The following MAP2K6 variants were observed in gnomAD, a reference collection of about 807,000 sequenced individuals.
MAP2K6 encodes mitogen-activated protein kinase kinase 6.
Under a neutral mutation model 53.7 loss-of-function variants are expected in MAP2K6, and 16 were observed. The observed-to-expected ratio is 0.30, with a 90% CI of 0.20 to 0.45. The LOEUF (loss-of-function observed/expected upper bound fraction) is 0.45. Among genes scored for constraint, MAP2K6 ranks in the 20% least tolerant of loss-of-function variants. The pLI is 1.00. For missense variants in MAP2K6, 204 were observed against 411.9 expected (o/e 0.50, Z 4.37); for synonymous variants, 132 against 143.1 (o/e 0.92, Z 0.55).
Position 69,516,885 on chromosome 17 carries a change from C to T in MAP2K6, c.114C>T (p.Cys38=). 1 of 1,596,674 alleles carries T rather than the reference C, an allele frequency of 6.3e-7. No homozygotes were observed. The stretch of plus-strand genomic sequence containing the variant: ...CTCGAGATTTAGACTCCAAGGCTTG[C>T]ATTTCTATTGGAAATCAGGTAAGAA... ...TPPRDLDSKA[C]ISIGNQNFEV... is the part of the protein sequence containing the mutation. Residue 38 remains cysteine, a synonymous_variant, in exon 3 of 12, where the codon TGC becomes TGT. Transcript: ENST00000590474.
intron 1 of MAP2K6, among the ~76,000 whole-genome samples, chr17:69,481,336 A>G (rs1011679500): frequency 1.3e-5 from 2 of 152,160 alleles, no homozygotes; most frequent in African/African-American, 2.4e-5. Flanking sequence ...CTTTCTTCTT[A>G]AGGCTGAATA....
At chr17:69,521,806 C>CAAAAAAAAAAAAAA (rs71293537) in intron 7 of MAP2K6, 1 of 79,340 alleles carries the variant, frequency 1.3e-5, no homozygotes, top group Non-Finnish European at 2.6e-5. Context: ...GATAAATGTA[C>CAAAAAAAAAAAAAA]AAAAAAAAAA....
At chr17:69,419,778 T>A (rs12602014) in intron 1 of MAP2K6, among the ~76,000 whole-genome samples, 13,983 of 151,974 alleles carry the variant, frequency 0.092, 1,083 homozygotes, top group East Asian at 0.41. Context: ...AATACAAAAA[T>A]TAGTCAGGCG....
intron 1 of MAP2K6, among the ~76,000 whole-genome samples, chr17:69,440,781 A>G (rs1906791600): frequency 6.7e-6 from 1 of 150,246 alleles, no homozygotes; most frequent in Non-Finnish European, 1.5e-5. Flanking sequence ...GAATCCTTCT[A>G]GCCTCCATTG....
chr17:69,458,775 C>T (rs1159563160), intron 1 of MAP2K6, among the ~76,000 whole-genome samples: 1 of 152,104 alleles, frequency 6.6e-6, no homozygotes, highest in Non-Finnish European at 1.5e-5. Flanking sequence ...AGTAATTGTC[C>T]TGTTTCTTTG....
chr17:69,517,878 A>G (rs536071073), intron 4 of MAP2K6, among the ~76,000 whole-genome samples: 98 of 152,206 alleles, frequency 6.4e-4, no homozygotes, highest in African/African-American at 2.3e-3. Flanking sequence ...CAAAACTACC[A>G]TGTCATCATC....
chr17:69,482,015 A>C (rs1169137179), intron 1 of MAP2K6, among the ~76,000 whole-genome samples: 1 of 152,052 alleles, frequency 6.6e-6, no homozygotes, highest in Non-Finnish European at 1.5e-5. Flanking sequence ...ATGCCCGTAA[A>C]ATTTCTAGTG....
intron 1 of MAP2K6, among the ~76,000 whole-genome samples, chr17:69,488,335 A>C (rs888115022): frequency 9.2e-5 from 14 of 152,234 alleles, no homozygotes; most frequent in Non-Finnish European, 1.9e-4. Flanking sequence ...AACGTAAATT[A>C]GTTCAGCCAC....
At chr17:69,505,080 A>G (rs1341084667) in intron 1 of MAP2K6, among the ~76,000 whole-genome samples, 1 of 151,440 alleles carries the variant, frequency 6.6e-6, no homozygotes, top group Non-Finnish European at 1.5e-5. Context: ...AACACTAAAA[A>G]GAAAAAAAAA....
intron 1 of MAP2K6, among the ~76,000 whole-genome samples, chr17:69,492,061 C>CT (rs1567837945): frequency 6.6e-6 from 1 of 152,130 alleles, no homozygotes; most frequent in Non-Finnish European, 1.5e-5. Context: ...TATGAGACCT[C>CT]TGTCAGATGC....
At position 69,513,145 on chromosome 17, in the gene MAP2K6, C is replaced by G. The variant is rs150302193; in HGVS notation, c.84-3710C>G. On this transcript the variant is annotated intron_variant, in intron 2 of 11. Coordinates refer to ENST00000590474, the MANE Select transcript of MAP2K6 (RefSeq NM_002758.4). Reference sequence around the variant, plus strand: ...CCCAGCCCTGGAGAGAACACAGTGTCAACTAATCCAATCTGATTTGTCAGT... The same window carrying G: ...CCCAGCCCTGGAGAGAACACAGTGTGAACTAATCCAATCTGATTTGTCAGT... Among the ~76,000 whole-genome samples, 904 of 152,312 alleles carry G rather than the reference C, an allele frequency of 5.9e-3. 4 individuals are homozygous for G. The highest frequency in any genetic ancestry group is 9.6e-3 in the Non-Finnish European group (652 of 68,020).
chr17:69,415,072 T>G, intron 1 of MAP2K6, 72 bp downstream of exon 1: 1 of 1,424,442 alleles, frequency 7.0e-7, no homozygotes, highest in South Asian at 1.2e-5. Flanking sequence ...ATGGATGCAA[T>G]TTTCGCCTGG....
chr17:69,500,729 C>T (rs972087269), intron 1 of MAP2K6, among the ~76,000 whole-genome samples: 1 of 148,870 alleles, frequency 6.7e-6, no homozygotes, highest in Non-Finnish European at 1.5e-5. Flanking sequence ...GTACTCCAGG[C>T]TGGGTGACAG....
At chr17:69,472,110 C>T (rs188114944) in intron 1 of MAP2K6, among the ~76,000 whole-genome samples, 13 of 152,128 alleles carry the variant, frequency 8.5e-5, no homozygotes, top group Admixed American at 3.3e-4. Flanking sequence ...CTTAACATAT[C>T]GTTCTTCAAC....
chr17:69,532,232 A>G (rs1350347233), intron 10 of MAP2K6, among the ~76,000 whole-genome samples: 1 of 152,240 alleles, frequency 6.6e-6, no homozygotes, highest in Non-Finnish European at 1.5e-5. Flanking sequence ...CTAGATGTTT[A>G]TTTAGCTTTT....
chr17:69,485,540 C>G, intron 1 of MAP2K6: 1 of 803,504 alleles, frequency 1.2e-6, no homozygotes, highest in Non-Finnish European at 1.5e-6. Flanking sequence ...TGTGGCTGTT[C>G]CTAATGTTTC....
At chr17:69,532,902 C>T (rs1911155728) in intron 10 of MAP2K6, among the ~76,000 whole-genome samples, 1 of 152,042 alleles carries the variant, frequency 6.6e-6, no homozygotes, top group African/African-American at 2.4e-5. Flanking sequence ...CCCATATTTT[C>T]TTTATACAGA....
chr17:69,539,446 G>A (rs756164813), intron 11 of MAP2K6, among the ~76,000 whole-genome samples: 6 of 152,132 alleles, frequency 3.9e-5, no homozygotes, highest in Non-Finnish European at 7.3e-5. Flanking sequence ...GCTTATAGGA[G>A]GGACTGGGTT....
At position 69,516,884 on chromosome 17, in the gene MAP2K6, G is replaced by T. The variant is rs749911524; in HGVS notation, c.113G>T (p.Cys38Phe). The change falls in exon 3 of 12, where the codon TGC becomes TTC. Residue 38 changes from cysteine (C) to phenylalanine (F), a missense_variant. Physicochemically the swap from Cys to Phe is radical, Grantham distance 205. Coordinates refer to ENST00000590474, the MANE Select transcript of MAP2K6 (RefSeq NM_002758.4). ...CCTCGAGATTTAGACTCCAAGGCTT[G>T]CATTTCTATTGGAAATCAGGTAAGA... ...TPPRDLDSKACISIGNQNFEV... is the reference protein window; with the variant it reads ...TPPRDLDSKAFISIGNQNFEV... The T allele has an allele frequency of 1.9e-6, 3 of 1,596,766 alleles. No homozygotes were observed. Among genetic ancestry groups the T allele is most frequent in the South Asian group, 2.2e-5 (2 of 90,302 alleles).
Sources: allele counts gnomAD v4.1 joint callset (sites outside exome capture counted in the v4.1 genomes callset), GRCh38; gene constraint gnomAD v4.1.1; transcripts MANE v1.5; gene names NCBI Gene and HGNC (gene_info 2026-07-23, HGNC 2026-07-21).